Variants in NAALADL2 observed in about 807,000 individuals in gnomAD.
NAALADL2 encodes inactive N-acetylated-alpha-linked acidic dipeptidase-like protein 2.
In NAALADL2, 76 loss-of-function variants were observed where a neutral mutation model predicts 87.2. The observed-to-expected ratio is 0.87, with a 90% CI of 0.72 to 1.05. The LOEUF is 1.05. Ranked by LOEUF, NAALADL2 falls within the 50% of genes least tolerant of loss-of-function variation. The probability of loss-of-function intolerance (pLI) is 0.00; values close to 1 mark genes in which losing one functional copy is unlikely to be tolerated. For missense variants in NAALADL2, 1,089 were observed against 945.8 expected (o/e 1.15, Z -1.99); for synonymous variants, 354 against 331.0 (o/e 1.07, Z -0.75).
intron 1 of NAALADL2, among the ~76,000 whole-genome samples, chr3:174,456,698 A>G (rs1340066801): frequency 6.6e-6 from 1 of 152,078 alleles, no homozygotes; most frequent in Non-Finnish European, 1.5e-5. Flanking sequence ...CCTTCCTTAT[A>G]CCATATAAAA....
chr3:174,906,357 A>T (rs1732957292), intron 1 of NAALADL2, among the ~76,000 whole-genome samples: 1 of 152,056 alleles, frequency 6.6e-6, no homozygotes. Flanking sequence ...CTTGAGTATC[A>T]GTTGGATTAC....
chr3:174,939,229 A>C (rs192475918), intron 1 of NAALADL2, among the ~76,000 whole-genome samples: 2 of 152,132 alleles, frequency 1.3e-5, no homozygotes, highest in Non-Finnish European at 2.9e-5. Flanking sequence ...ATGGCTAGCC[A>C]GTTATCCCAG....
intron 11 of NAALADL2, among the ~76,000 whole-genome samples, chr3:175,718,867 CA>C (rs1561029665): frequency 6.6e-6 from 1 of 151,346 alleles, no homozygotes; most frequent in African/African-American, 2.4e-5. Flanking sequence ...AACAAACAAA[CA>C]AAAAACAAAA....
intron 2 of NAALADL2, among the ~76,000 whole-genome samples, chr3:174,603,750 A>G (rs1210140180): frequency 6.6e-6 from 1 of 151,990 alleles, no homozygotes; most frequent in Non-Finnish European, 1.5e-5. Flanking sequence ...ATTTTGCTGT[A>G]TTCCATAGGT....
chr3:174,577,488 G>C (rs1450655199), intron 2 of NAALADL2, among the ~76,000 whole-genome samples: 1 of 152,108 alleles, frequency 6.6e-6, no homozygotes, highest in Non-Finnish European at 1.5e-5. Context: ...GTGCAGGATG[G>C]CTGAAATGTA....
intron 11 of NAALADL2, among the ~76,000 whole-genome samples, chr3:175,654,932 CT>C (rs75686469): frequency 0.12 from 17,130 of 141,730 alleles, 976 homozygotes; most frequent in Middle Eastern, 0.17. Context: ...TGCAAGATAT[CT>C]TTTTTTTTTT....
At chr3:174,817,026 G>C (rs2109316350) in intron 3 of NAALADL2, among the ~76,000 whole-genome samples, 1 of 152,276 alleles carries the variant, frequency 6.6e-6, no homozygotes, top group East Asian at 1.9e-4. Context: ...TTCTACAACA[G>C]GCAGGAACTT....
intron 3 of NAALADL2, among the ~76,000 whole-genome samples, chr3:174,768,956 A>G (rs929349981): frequency 3.9e-5 from 6 of 151,952 alleles, no homozygotes; most frequent in African/African-American, 1.2e-4. Context: ...AATTTCATTA[A>G]CTTATCGCTA....
At chr3:174,783,148 A>G (rs1716198634) in intron 3 of NAALADL2, among the ~76,000 whole-genome samples, 1 of 152,192 alleles carries the variant, frequency 6.6e-6, no homozygotes, top group African/African-American at 2.4e-5. Flanking sequence ...TCCATATTTA[A>G]AAAATAATTT....
At chr3:175,259,047 C>G (rs1367797765) in intron 4 of NAALADL2, among the ~76,000 whole-genome samples, 1 of 152,142 alleles carries the variant, frequency 6.6e-6, no homozygotes, top group East Asian at 1.9e-4. Flanking sequence ...TTGTCTACAT[C>G]AAGTAAATTG....
intron 1 of NAALADL2, among the ~76,000 whole-genome samples, chr3:174,481,538 G>A (rs1300381662): frequency 6.6e-6 from 1 of 152,042 alleles, no homozygotes; most frequent in East Asian, 1.9e-4. Context: ...TACCTAAATG[G>A]ACTGTGGAAG....
chr3:174,809,831 G>A (rs917385646), intron 3 of NAALADL2, among the ~76,000 whole-genome samples: 1 of 152,118 alleles, frequency 6.6e-6, no homozygotes, highest in African/African-American at 2.4e-5. Flanking sequence ...GGGCCTCATG[G>A]GAGGTGATCA....
At chr3:174,714,795 C>T (rs1731021965) in intron 2 of NAALADL2, among the ~76,000 whole-genome samples, 2 of 152,138 alleles carry the variant, frequency 1.3e-5, no homozygotes, top group Admixed American at 1.3e-4. Context: ...TTATTTCCTT[C>T]TCCTGCCTGA....
chr3:175,494,115 GA>G (rs1728489250), intron 9 of NAALADL2, among the ~76,000 whole-genome samples: 1 of 151,914 alleles, frequency 6.6e-6, no homozygotes, highest in Non-Finnish European at 1.5e-5. Context: ...ATTATACTGT[GA>G]GTTTTATCTC....
chr3:175,383,046 T>G (rs1322838307), intron 5 of NAALADL2, among the ~76,000 whole-genome samples: 1 of 152,096 alleles, frequency 6.6e-6, no homozygotes, highest in Non-Finnish European at 1.5e-5. Flanking sequence ...TTTTAAGTTT[T>G]TAATTATGGA....
chr3:175,559,308 G>A (rs1293974100), intron 9 of NAALADL2, among the ~76,000 whole-genome samples: 1 of 151,852 alleles, frequency 6.6e-6, no homozygotes, highest in Non-Finnish European at 1.5e-5. Context: ...TTGTTTACTA[G>A]TTTTTAAAGT....
intron 2 of NAALADL2, among the ~76,000 whole-genome samples, chr3:174,719,843 G>A (rs2108946744): frequency 6.6e-6 from 1 of 152,220 alleles, no homozygotes; most frequent in South Asian, 2.1e-4. Flanking sequence ...TGCCAGCCTG[G>A]AGTGGAGTGC....
intron 2 of NAALADL2, among the ~76,000 whole-genome samples, chr3:175,101,578 C>A (rs1209872065): frequency 6.6e-6 from 1 of 152,032 alleles, no homozygotes; most frequent in African/African-American, 2.4e-5. Context: ...GTTTTGCCAT[C>A]GAAAGTAATG....
At chr3:174,805,865 T>A (rs1021003820) in intron 3 of NAALADL2, among the ~76,000 whole-genome samples, 1 of 150,400 alleles carries the variant, frequency 6.6e-6, no homozygotes, top group Non-Finnish European at 1.5e-5. Context: ...AAGTACATTT[T>A]AGCATAAATT....
Sources: gnomAD v4.1 joint callset for allele counts (sites outside exome capture counted in the v4.1 genomes callset) on GRCh38, gnomAD v4.1.1 for gene constraint, MANE v1.5 for transcripts, NCBI Gene and HGNC (gene_info 2026-07-23, HGNC 2026-07-21) for gene names.